Variants in FMNL2 observed in about 807,000 individuals in gnomAD.
FMNL2 encodes formin like 2, also known as formin-like protein 2.
FMNL2 carries 51 observed loss-of-function variants against 130.2 expected under a neutral mutation model. The observed-to-expected ratio is 0.39, with a 90% CI of 0.31 to 0.49. The LOEUF (loss-of-function observed/expected upper bound fraction) is 0.49. FMNL2 is among the 20% of genes least tolerant of loss of function. The pLI, the probability that FMNL2 is intolerant of heterozygous loss-of-function variation, is 0.85. For missense variants in FMNL2, 977 were observed against 1,316.2 expected (o/e 0.74, Z 3.99); for synonymous variants, 465 against 467.1 (o/e 1.00, Z 0.06).
intron 1 of FMNL2, among the ~76,000 whole-genome samples, chr2:152,490,605 G>GTGTA (rs1691108278): frequency 6.6e-6 from 1 of 150,812 alleles, no homozygotes; most frequent in African/African-American, 2.4e-5. Flanking sequence ...GTGTGTGTGT[G>GTGTA]TGTGTGTGTG....
chr2:152,402,060 A>ACCATG (rs1685730451), intron 1 of FMNL2, among the ~76,000 whole-genome samples: 1 of 151,856 alleles, frequency 6.6e-6, no homozygotes, highest in African/African-American at 2.4e-5. Flanking sequence ...GGCACATGCC[A>ACCATG]CCCAGCTAAT....
intron 9 of FMNL2, 93 bp downstream of exon 9, chr2:152,581,142 G>T (rs891121751): frequency 9.0e-7 from 1 of 1,108,944 alleles, no homozygotes; most frequent in Non-Finnish European, 1.3e-6. Context: ...TTATCCTAGG[G>T]CCTAAGGAAT....
chr2:152,453,795 A>G (rs1205931180), intron 1 of FMNL2, among the ~76,000 whole-genome samples: 1 of 152,244 alleles, frequency 6.6e-6, no homozygotes, highest in African/African-American at 2.4e-5. Context: ...TGTGTATAAC[A>G]GAAAGCCAAG....
chr2:152,439,493 A>T (rs558976098), intron 1 of FMNL2, among the ~76,000 whole-genome samples: 19 of 152,110 alleles, frequency 1.2e-4, no homozygotes, highest in Non-Finnish European at 2.8e-4. Flanking sequence ...TAAAAAGACA[A>T]TTTTTACCTA....
chr2:152,594,786 T>C (rs887322785), intron 9 of FMNL2, among the ~76,000 whole-genome samples: 3 of 152,218 alleles, frequency 2.0e-5, no homozygotes, highest in Admixed American at 6.5e-5. Flanking sequence ...CACAGTGGTA[T>C]ATGTGGCTAC....
chr2:152,593,838 G>GGAGAGAGAGAGAGA lies in FMNL2; in HGVS notation c.876+12799_876+12812dup, dbSNP rs147035875. On this transcript the variant is annotated intron_variant, in intron 9 of 25. Transcript: ENST00000288670. The stretch of plus-strand genomic sequence containing the variant: ...AACAAGTTTAAACAGAGGTGACTAG[G>GGAGAGAGAGAGAGA]GAGAGAGAGAGAGAGAGAGAGAGTG... Among the ~76,000 whole-genome samples, 375 of 84,686 alleles carry GGAGAGAGAGAGAGA rather than the reference G, an allele frequency of 4.4e-3. 1 individual carries two copies. Among genetic ancestry groups the GGAGAGAGAGAGAGA allele is most frequent in the African/African-American group, 0.015 (357 of 23,678 alleles). 55.6% of individuals were successfully genotyped at this position (84,686 alleles called of 152,430 possible). A position where few individuals can be genotyped will look rare whatever the true frequency, so the allele number is the denominator to read the frequency against.
intron 1 of FMNL2, among the ~76,000 whole-genome samples, chr2:152,460,872 A>C (rs1291993554): frequency 1.3e-5 from 2 of 152,194 alleles, no homozygotes; most frequent in African/African-American, 4.8e-5. Context: ...CATTGATTCT[A>C]CATTATAGTG....
intron 4 of FMNL2, among the ~76,000 whole-genome samples, chr2:152,557,109 TAATTAC>T (rs1167839424): frequency 6.6e-6 from 1 of 152,190 alleles, no homozygotes; most frequent in African/African-American, 2.4e-5. Flanking sequence ...TCTAAGCTTC[TAATTAC>T]TAGTATTTAA....
intron 1 of FMNL2, among the ~76,000 whole-genome samples, chr2:152,465,766 C>G (rs537443768): frequency 1.3e-5 from 2 of 152,326 alleles, no homozygotes; most frequent in East Asian, 3.9e-4. Context: ...TGTCAACACA[C>G]TTATCTTAGC....
intron 1 of FMNL2, among the ~76,000 whole-genome samples, chr2:152,349,192 G>A (rs1484587923): frequency 1.3e-5 from 2 of 152,192 alleles, no homozygotes; most frequent in African/African-American, 4.8e-5. Flanking sequence ...ATGGCTTGAA[G>A]TTATATAAGA....
chr2:152,591,594 C>T (rs1697443028), intron 9 of FMNL2, among the ~76,000 whole-genome samples: 1 of 152,240 alleles, frequency 6.6e-6, no homozygotes, highest in African/African-American at 2.4e-5. Flanking sequence ...CTGCTATAGC[C>T]TGGGAGTTCA....
At chr2:152,581,248 G>T (rs1324912155) in intron 9 of FMNL2, among the ~76,000 whole-genome samples, 199 bp downstream of exon 9, 1 of 152,132 alleles carries the variant, frequency 6.6e-6, no homozygotes, top group Admixed American at 6.5e-5. Context: ...AATAATCACA[G>T]TACTCTTTTT....
chr2:152,365,932 C>G (rs1342374963), intron 1 of FMNL2, among the ~76,000 whole-genome samples: 1 of 152,128 alleles, frequency 6.6e-6, no homozygotes, highest in African/African-American at 2.4e-5. Flanking sequence ...GCATCAGGGA[C>G]TCCTGAGATT....
chr2:152,533,745 A>G (rs1407849168), intron 2 of FMNL2, among the ~76,000 whole-genome samples: 1 of 152,086 alleles, frequency 6.6e-6, no homozygotes, highest in East Asian at 1.9e-4. Context: ...ATCTATGAAC[A>G]TGGTACTCTA....
At chr2:152,396,589 C>A (rs1444020986) in intron 1 of FMNL2, among the ~76,000 whole-genome samples, 1 of 152,214 alleles carries the variant, frequency 6.6e-6, no homozygotes, top group East Asian at 1.9e-4. Flanking sequence ...TCAGGGCAAA[C>A]TTCCATGCCT....
intron 1 of FMNL2, among the ~76,000 whole-genome samples, chr2:152,475,733 A>C (rs1579756336): frequency 6.6e-6 from 1 of 152,210 alleles, no homozygotes; most frequent in Admixed American, 6.5e-5. Context: ...ACCTGACCTC[A>C]AGTGATCTTC....
intron 1 of FMNL2, among the ~76,000 whole-genome samples, chr2:152,410,090 C>T (rs73967988): frequency 0.038 from 5,783 of 152,246 alleles, 184 homozygotes; most frequent in African/African-American, 0.087. Context: ...ATGGACTCTT[C>T]TTCCTAGAGA....
rs1243215356 is a variant in FMNL2 at position 152,335,213 on chromosome 2, C to G, written c.-391C>G. ...CTAGCCAGGCAGGCGCAGCCGTGGC[C>G]GGCTAGGGCTGGAAGTGTCAGCGGC... On this transcript the variant is annotated 5_prime_UTR_variant, in exon 1 of 26. Transcript: ENST00000288670. The G allele has an allele frequency of 6.5e-6, 1 of 154,472 alleles. No homozygotes were observed. The highest frequency in any genetic ancestry group is 1.4e-5 in the Non-Finnish European group (1 of 69,798). 9.6% of individuals were successfully genotyped at this position (154,472 alleles called of 1,614,324 possible). A position where few individuals can be genotyped will look rare whatever the true frequency, so the allele number is the denominator to read the frequency against.
intron 1 of FMNL2, among the ~76,000 whole-genome samples, chr2:152,424,935 A>C (rs565345283): frequency 6.6e-6 from 1 of 152,352 alleles, no homozygotes; most frequent in Admixed American, 6.5e-5. Context: ...GAACATTTTG[A>C]TCAAGTGATG....
Sources: gnomAD v4.1 joint callset for allele counts (sites outside exome capture counted in the v4.1 genomes callset) on GRCh38, gnomAD v4.1.1 for gene constraint, MANE v1.5 for transcripts, NCBI Gene and HGNC (gene_info 2026-07-23, HGNC 2026-07-21) for gene names.